Variants in RBFOX3 observed in about 807,000 individuals in gnomAD.
The protein encoded by RBFOX3 is RNA binding fox-1 homolog 3.
A neutral mutation model predicts 48.7 loss-of-function variants in RBFOX3; 17 were observed. The observed-to-expected ratio is 0.35, with a 90% CI of 0.24 to 0.52. The LOEUF (loss-of-function observed/expected upper bound fraction) is 0.52, where lower values mean the gene tolerates loss of function less well. Among genes scored for constraint, RBFOX3 ranks in the 20% least tolerant of loss-of-function variants. The pLI is 0.94. For missense variants in RBFOX3, 382 were observed against 497.5 expected (o/e 0.77, Z 2.21); for synonymous variants, 212 against 209.5 (o/e 1.01, Z -0.10).
intron 2 of RBFOX3, among the ~76,000 whole-genome samples, chr17:79,385,032 T>C (rs1776119836): frequency 1.3e-5 from 2 of 152,236 alleles, no homozygotes; most frequent in Non-Finnish European, 2.9e-5. Flanking sequence ...CAGGGCTTTG[T>C]GGTGGGACCA....
At chr17:79,558,961 G>A (rs2091982073) in intron 1 of RBFOX3, among the ~76,000 whole-genome samples, 1 of 152,090 alleles carries the variant, frequency 6.6e-6, no homozygotes, top group South Asian at 2.1e-4. Context: ...CATTTACCAG[G>A]CATTGTCCAT....
chr17:79,141,544 C>T (rs2041914613), intron 4 of RBFOX3, among the ~76,000 whole-genome samples: 1 of 151,952 alleles, frequency 6.6e-6, no homozygotes, highest in Non-Finnish European at 1.5e-5. Flanking sequence ...AGCACATCAG[C>T]AGGGGAGGGT....
chr17:79,340,248 G>A (rs12947607), intron 2 of RBFOX3, among the ~76,000 whole-genome samples: 48,158 of 149,094 alleles, frequency 0.32, 8,225 homozygotes, highest in Non-Finnish European at 0.37. Context: ...GCAGTGAGCC[G>A]AGATCACACC....
upstream of RBFOX3, among the ~76,000 whole-genome samples, chr17:79,615,930 G>A (rs1363198302): frequency 1.1e-4 from 16 of 152,246 alleles, no homozygotes; most frequent in East Asian, 1.9e-3. Flanking sequence ...AGGCTCCTCC[G>A]TCTAAGGGTA....
chr17:79,606,016 A>T (rs386829731), intron 1 of RBFOX3, among the ~76,000 whole-genome samples: 16,830 of 152,042 alleles, frequency 0.11, 1,743 homozygotes, highest in East Asian at 0.56. Context: ...TCTGCCCCCT[A>T]TCCCCTGACT....
intron 2 of RBFOX3, among the ~76,000 whole-genome samples, chr17:79,328,530 G>A (rs1267963521): frequency 6.6e-6 from 1 of 152,128 alleles, no homozygotes; most frequent in Non-Finnish European, 1.5e-5. Flanking sequence ...AATGGAAATG[G>A]CCACCCATGA....
chr17:79,546,344 A>G (rs2090430460), intron 1 of RBFOX3, among the ~76,000 whole-genome samples: 1 of 152,178 alleles, frequency 6.6e-6, no homozygotes, highest in East Asian at 1.9e-4. Context: ...CTCCCTTTTC[A>G]TCCACACAAA....
At chr17:79,544,138 T>C (rs2090085657) in intron 1 of RBFOX3, among the ~76,000 whole-genome samples, 2 of 152,154 alleles carry the variant, frequency 1.3e-5, no homozygotes, top group South Asian at 4.1e-4. Flanking sequence ...CACTTCTGTG[T>C]TGCAAGAGAG....
At chr17:79,305,606 C>T (rs186231171) in intron 3 of RBFOX3, among the ~76,000 whole-genome samples, 125 of 152,300 alleles carry the variant, frequency 8.2e-4, no homozygotes, top group African/African-American at 3.0e-3. Context: ...GGGGAAGTCA[C>T]GGTCAGATCT....
At chr17:79,551,884 C>A (rs1362123411) in intron 1 of RBFOX3, among the ~76,000 whole-genome samples, 12 of 152,208 alleles carry the variant, frequency 7.9e-5, no homozygotes, top group African/African-American at 2.9e-4. Flanking sequence ...AAATAAACCT[C>A]TGTTCTTTAT....
chr17:79,377,487 G>A (rs1291317511), intron 2 of RBFOX3, among the ~76,000 whole-genome samples: 2 of 152,172 alleles, frequency 1.3e-5, no homozygotes, highest in South Asian at 2.1e-4. Flanking sequence ...CATGCTCAGC[G>A]ACATCACTCC....
chr17:79,579,734 T>C (rs1003135337), intron 1 of RBFOX3, among the ~76,000 whole-genome samples: 7 of 140,442 alleles, frequency 5.0e-5, no homozygotes, highest in Non-Finnish European at 9.2e-5. Context: ...ACTGGCGCCG[T>C]GGTGGGGAGT....
Position 79,481,297 on chromosome 17 carries a change from T to A in RBFOX3, c.-175+1157A>T, listed in dbSNP as rs968518081. On this transcript the variant is annotated intron_variant, in intron 2 of 14. Transcript: ENST00000693108. The surrounding 1 kb of genome is among the most constrained non-coding windows in gnomAD (Gnocchi z 5.4). ...CTTCAGGGCTCCAGTCCTCCCTGCC[T>A]GGGGGTCGCTGACCCACAGCTTTGC... Among the ~76,000 whole-genome samples, 6 of 152,122 alleles carry A rather than the reference T, an allele frequency of 3.9e-5. No individual in the cohort carries two copies. The highest frequency in any genetic ancestry group is 1.4e-4 in the African/African-American group (6 of 41,414).
At chr17:79,321,112 CT>C (rs1359343656) in intron 2 of RBFOX3, among the ~76,000 whole-genome samples, 1 of 152,162 alleles carries the variant, frequency 6.6e-6, no homozygotes, top group East Asian at 1.9e-4. Context: ...GATTGGTGGC[CT>C]TTATGTTGCA....
chr17:79,435,690 C>T (rs1024819354), intron 2 of RBFOX3, among the ~76,000 whole-genome samples: 3 of 152,226 alleles, frequency 2.0e-5, no homozygotes, highest in African/African-American at 7.2e-5. Flanking sequence ...TGCCCCATTC[C>T]CCTTTGCTGG....
intron 2 of RBFOX3, among the ~76,000 whole-genome samples, chr17:79,475,047 C>A (rs896848036): frequency 1.3e-5 from 2 of 152,176 alleles, no homozygotes; most frequent in African/African-American, 2.4e-5. Context: ...CAAAAGTGTG[C>A]GCCCAAAACT....
intron 1 of RBFOX3, among the ~76,000 whole-genome samples, chr17:79,609,773 C>T (rs1469148151): frequency 1.3e-5 from 2 of 152,064 alleles, no homozygotes; most frequent in East Asian, 3.9e-4. Context: ...TGCAGGGCTG[C>T]GCGCCAGGGG....
chr17:79,549,348 C>T (rs1052269663), intron 1 of RBFOX3, among the ~76,000 whole-genome samples: 2 of 152,242 alleles, frequency 1.3e-5, no homozygotes, highest in Non-Finnish European at 2.9e-5. Flanking sequence ...CTCATCCGTC[C>T]GGCACAACCC....
intron 1 of RBFOX3, among the ~76,000 whole-genome samples, chr17:79,551,616 C>A (rs1231975903): frequency 6.6e-6 from 1 of 151,926 alleles, no homozygotes; most frequent in African/African-American, 2.4e-5. Context: ...TGCCATCCTC[C>A]ATTTGGGTCA....
Sources: gnomAD v4.1 joint callset for allele counts (sites outside exome capture counted in the v4.1 genomes callset) on GRCh38, gnomAD v4.1.1 for gene constraint, Gnocchi (gnomAD v3.1) non-coding constraint, MANE v1.5 for transcripts, NCBI Gene and HGNC (gene_info 2026-07-23, HGNC 2026-07-21) for gene names.